Variants in PRKCG observed in about 807,000 individuals in gnomAD.
PRKCG encodes protein kinase C gamma.
A neutral mutation model predicts 82.0 loss-of-function variants in PRKCG; 28 were observed. The observed-to-expected ratio is 0.34, with a 90% CI of 0.25 to 0.47. PRKCG has a LOEUF of 0.47. PRKCG is among the 20% of genes least tolerant of loss of function. The pLI is 1.00. For synonymous variants in PRKCG, 383 were observed against 376.6 expected, an observed-to-expected ratio of 1.02 and a Z score of -0.20; for missense variants, 640 against 952.7, an observed-to-expected ratio of 0.67 and a Z score of 4.32.
chr19:53,891,032 G>T (rs1024077651), intron 5 of PRKCG, among the ~76,000 whole-genome samples: 6 of 151,726 alleles, frequency 4.0e-5, no homozygotes, highest in Non-Finnish European at 8.8e-5. Context: ...GATTACAGGG[G>T]TGAGGACCGT....
chr19:53,905,271 T>G (rs962034122), intron 16 of PRKCG, among the ~76,000 whole-genome samples: 1 of 152,108 alleles, frequency 6.6e-6, no homozygotes. Flanking sequence ...GATGGGGCTC[T>G]CTGTGTTTCT....
At chr19:53,895,974 G>A (rs1019515992) in intron 9 of PRKCG, among the ~76,000 whole-genome samples, 4 of 151,674 alleles carry the variant, frequency 2.6e-5, no homozygotes, top group Non-Finnish European at 4.4e-5. Context: ...GCAGGAGAAT[G>A]GCATGAACCT....
intron 3 of PRKCG, among the ~76,000 whole-genome samples, chr19:53,888,016 A>G (rs560180922): frequency 2.0e-5 from 3 of 152,256 alleles, no homozygotes; most frequent in Admixed American, 1.3e-4. Flanking sequence ...TGATGTATGT[A>G]ACCACAGCCT....
intron 9 of PRKCG, among the ~76,000 whole-genome samples, chr19:53,894,345 G>A (rs527613716): frequency 1.1e-4 from 16 of 152,110 alleles, no homozygotes; most frequent in African/African-American, 3.4e-4. Context: ...GATTACAGGC[G>A]TGAGCCACCA....
intron 9 of PRKCG, among the ~76,000 whole-genome samples, chr19:53,895,380 C>T (rs1382677369): frequency 6.7e-6 from 1 of 150,016 alleles, no homozygotes; most frequent in Non-Finnish European, 1.5e-5. Flanking sequence ...CCCAGCTACT[C>T]GGAAGGCTGA....
At chr19:53,902,890 CAAAAAAAAAAA>C (rs56955659) in intron 14 of PRKCG, among the ~76,000 whole-genome samples, 172 bp from the exon 15 acceptor site, 5 of 19,966 alleles carry the variant, frequency 2.5e-4, no homozygotes, top group Admixed American at 7.3e-4. Flanking sequence ...GAGACCCTGT[CAAAAAAAAAAA>C]AAAAAAAAAA....
intron 10 of PRKCG, 148 bp from the exon 11 acceptor site, chr19:53,898,292 G>A: frequency 1.5e-6 from 2 of 1,322,540 alleles, no homozygotes; most frequent in Non-Finnish European, 2.1e-6. Flanking sequence ...TCTCCTTGAG[G>A]GGACGGGCGG....
chr19:53,901,956 G>T (rs778932900), intron 14 of PRKCG, among the ~76,000 whole-genome samples: 3 of 151,822 alleles, frequency 2.0e-5, no homozygotes, highest in African/African-American at 7.3e-5. Flanking sequence ...GGTATTACCC[G>T]ACTTTGTTAA....
At chr19:53,905,618 C>T (rs914722709) in intron 16 of PRKCG, among the ~76,000 whole-genome samples, 3 of 151,190 alleles carry the variant, frequency 2.0e-5, no homozygotes, top group African/African-American at 7.3e-5. Context: ...TCTATTTCCC[C>T]TTTTCTCTGG....
chr19:53,899,981 G>A (rs2068750800), intron 11 of PRKCG, among the ~76,000 whole-genome samples: 1 of 152,176 alleles, frequency 6.6e-6, no homozygotes, highest in Non-Finnish European at 1.5e-5. Flanking sequence ...AGCGAATGGT[G>A]GGCTTCAGTC....
At chr19:53,897,500 A>T (rs1041228218) in intron 9 of PRKCG, among the ~76,000 whole-genome samples, 10 of 152,188 alleles carry the variant, frequency 6.6e-5, no homozygotes, top group African/African-American at 2.2e-4. Context: ...AAAATCTGGC[A>T]GTGGGACCCA....
intron 15 of PRKCG, among the ~76,000 whole-genome samples, chr19:53,904,393 G>C (rs996860762): frequency 1.3e-5 from 2 of 148,314 alleles, no homozygotes; most frequent in Non-Finnish European, 3.0e-5. Flanking sequence ...CAGATAAAGA[G>C]AGGCAGAATA....
intron 11 of PRKCG, 83 bp downstream of exon 11, chr19:53,898,711 G>T: frequency 5.7e-6 from 8 of 1,404,436 alleles, no homozygotes; most frequent in Non-Finnish European, 7.7e-6. Context: ...CTGAGTTTAG[G>T]GCGAGGCAAG....
intron 16 of PRKCG, among the ~76,000 whole-genome samples, 179 bp from the exon 17 acceptor site, chr19:53,906,138 C>T (rs1352048518): frequency 7.9e-6 from 1 of 125,858 alleles, no homozygotes; most frequent in Non-Finnish European, 1.6e-5. Context: ...CTCTCTCTCT[C>T]CTTTCTTTTC....
chr19:53,887,039 T>C (rs2068636124), intron 3 of PRKCG, among the ~76,000 whole-genome samples: 1 of 152,152 alleles, frequency 6.6e-6, no homozygotes, highest in South Asian at 2.1e-4. Context: ...GAAGGAGATC[T>C]TTCCTCTGCA....
Position 53,900,865 on chromosome 19 carries a change from CCTT to C in PRKCG, c.1575+120_1575+122del. The C allele has an allele frequency of 6.5e-7, 1 of 1,532,322 alleles. No individual in the cohort carries two copies. 94.9% of individuals were successfully genotyped at this position (1,532,322 alleles called of 1,614,324 possible). A position where few individuals can be genotyped will look rare whatever the true frequency, so the allele number is the denominator to read the frequency against. On this transcript the variant is annotated intron_variant, in intron 14 of 17. Coordinates refer to ENST00000263431, the MANE Select transcript of PRKCG (RefSeq NM_002739.5). The surrounding 1 kb of genome is among the most constrained non-coding windows in gnomAD (Gnocchi z 4.2). The stretch of plus-strand genomic sequence containing the variant: ...CCTCAGACCTTGTCATGAGTTGTGG[CCTT>C]CTTACACAGCCAGTCGTTCCTCCAG...
chr19:53,881,178 A>G (rs1283805308), upstream of PRKCG, among the ~76,000 whole-genome samples: 3 of 152,208 alleles, frequency 2.0e-5, no homozygotes, highest in Non-Finnish European at 4.4e-5. Flanking sequence ...ACAAGTACAG[A>G]GAAACAGATG....
rs2068691004 is a variant in PRKCG at position 53,893,009 on chromosome 19, G to A, written c.843G>A (p.Glu281=). ...VDGWYKLLNQ[E]EGEYYNVPVA... is the part of the protein sequence containing the mutation. Reference sequence around the variant, plus strand: ...TCAGGTACAAGTTACTGAACCAGGAGGAGGGCGAGTATTACAATGTGCCGG... The same window carrying A: ...TCAGGTACAAGTTACTGAACCAGGAAGAGGGCGAGTATTACAATGTGCCGG... The change falls in exon 8 of 18, where the codon GAG becomes GAA. Residue 281 remains glutamate, a synonymous_variant. Transcript: ENST00000263431. The A allele has an allele frequency of 6.2e-7, 1 of 1,614,080 alleles. No homozygotes were observed. The highest frequency in any genetic ancestry group is 1.1e-5 in the South Asian group (1 of 91,068).
In PRKCG at chr19:53,900,015, A is replaced by C. The variant is rs1180169710; in HGVS notation, c.1282-218A>C. ...TCTTCAATTCTGAGAAGGCGGGGCC[A>C]GAACACGTGGTCTGATAGTTGGCGG... On this transcript the variant is annotated intron_variant, in intron 11 of 17. Coordinates refer to ENST00000263431, the MANE Select transcript of PRKCG (RefSeq NM_002739.5). The surrounding 1 kb of genome is among the most constrained non-coding windows in gnomAD (Gnocchi z 4.2). Among the ~76,000 whole-genome samples the C allele has an allele frequency of 6.6e-6, 1 of 152,218 alleles. No homozygotes were observed. The highest frequency in any genetic ancestry group is 2.4e-5 in the African/African-American group (1 of 41,456).
Sources: allele counts gnomAD v4.1 joint callset (sites outside exome capture counted in the v4.1 genomes callset), GRCh38; gene constraint gnomAD v4.1.1; non-coding constraint Gnocchi (gnomAD v3.1); transcripts MANE v1.5; gene names NCBI Gene and HGNC (gene_info 2026-07-23, HGNC 2026-07-21).